IRS4: variants seen among roughly 807,000 people sequenced by gnomAD.
IRS4 encodes insulin receptor substrate 4.
IRS4 carries 15 observed loss-of-function variants against 48.6 expected under a neutral mutation model. The observed-to-expected ratio is 0.31, with a 90% CI of 0.21 to 0.48. IRS4 has a LOEUF of 0.48. Ranked by LOEUF, IRS4 falls within the 20% of genes least tolerant of loss-of-function variation. The probability of loss-of-function intolerance (pLI) is 0.99; values close to 1 mark genes in which losing one functional copy is unlikely to be tolerated. For missense variants in IRS4, 987 were observed against 1,023.4 expected, an observed-to-expected ratio of 0.96 and a Z score of 0.49; for synonymous variants, 459 against 413.2, an observed-to-expected ratio of 1.11 and a Z score of -1.34.
At chrX:108,727,483 G>A (rs1889774374) in intron 1 of IRS4, among the ~76,000 whole-genome samples, 1 of 111,528 alleles carries the variant, frequency 9.0e-6, no homozygotes, top group African/African-American at 3.3e-5. Context: ...TTTAAAATCA[G>A]CAATCCAATG....
chrX:108,724,787 A>G (rs1319420323), intron 1 of IRS4: 1 of 112,223 alleles, frequency 8.9e-6, no homozygotes, highest in Non-Finnish European at 1.9e-5. Context: ...TATTATTCCC[A>G]TTTGATACTG....
intron 1 of IRS4, among the ~76,000 whole-genome samples, chrX:108,730,199 G>A (rs1238731254): frequency 9.0e-6 from 1 of 111,033 alleles, no homozygotes; most frequent in East Asian, 2.8e-4. Context: ...GAATCATTCA[G>A]CTTGTTCTTA....
Position 108,721,605 on chromosome X carries a change from T to C in IRS4, c.*914A>G, listed in dbSNP as rs1014837161. ...TGCATTGGGGAAAATGGAGAAAGAA[T>C]AAGAAAAAGTAGAATAGAGGTTGAA... On this transcript the variant is annotated 3_prime_UTR_variant, in exon 2 of 2. Transcript: ENST00000372129. 4.5e-5 allele frequency: 5 copies of C among 110,521 alleles called. No individual in the cohort carries two copies. Among genetic ancestry groups the C allele is most frequent in the Non-Finnish European group, 7.6e-5 (4 of 52,832 alleles). The allele number at this position is 110,521 out of a possible 1,213,427, so 9.1% of individuals were successfully genotyped here.
At chrX:108,732,514 G>A (rs1263322260) in intron 1 of IRS4, 65 bp downstream of exon 1, 2 of 1,206,514 alleles carry the variant, frequency 1.7e-6, no homozygotes, top group Non-Finnish European at 2.2e-6. Context: ...ACTGTAGACT[G>A]TAGCGCATCG....
Position 108,736,253 on chromosome X carries a change from G to C in IRS4, c.92C>G (p.Thr31Ser). The change falls in exon 1 of 2, where the codon ACC becomes AGC. Residue 31 changes from threonine (T) to serine (S), a missense_variant. Coordinates refer to ENST00000372129, the MANE Select transcript of IRS4 (RefSeq NM_001379150.1). ...GGTTCCCGAGGAAAGAAGCGGGGTG[G>C]TCACCACTGCTGCTAGAGCTGCCGC... Reference protein sequence around the residue: ...AAAAALAAVVTTPLLSSGTPT... With the variant: ...AAAAALAAVVSTPLLSSGTPT... The C allele has an allele frequency of 8.3e-7, 1 of 1,210,699 alleles. No homozygotes were observed. The highest frequency in any genetic ancestry group is 1.7e-5 in the African/African-American group (1 of 57,764).
chrX:108,734,637 A>C lies in IRS4; in HGVS notation c.1708T>G (p.Ser570Ala), dbSNP rs776420382. ...TCTCCAGGTCCCTGGCCACCACCTG[A>C]GCCATGCCCACCTCCAGGTCTCTGG... ...GGQRPGGGHG[S>A]GGGQGPGDGH... is the part of the protein sequence containing the mutation. Residue 570 changes from serine (S) to alanine (A), a missense_variant, in exon 1 of 2, where the codon TCA becomes GCA. By Grantham distance (99) the Ser-to-Ala change is moderately conservative. Coordinates refer to ENST00000372129, the MANE Select transcript of IRS4 (RefSeq NM_001379150.1). The C allele has an allele frequency of 2.5e-6, 3 of 1,209,144 alleles. No individual in the cohort carries two copies. In the East Asian group the frequency reaches 8.9e-5, roughly 36 times the overall value.
Position 108,735,944 on chromosome X carries a change from G to C in IRS4, c.401C>G (p.Ser134Cys). The C allele has an allele frequency of 8.3e-7, 1 of 1,203,866 alleles. No homozygotes were observed. The highest frequency in any genetic ancestry group is 1.1e-6 in the Non-Finnish European group (1 of 891,820). ...AATGAGCGGGGGGATCGCGGCGCCAGAGGCGGCCGCCGCTGCTGCAGCCGC... is the reference window on the plus strand; with the variant it reads ...AATGAGCGGGGGGATCGCGGCGCCACAGGCGGCCGCCGCTGCTGCAGCCGC... ...AAAAAAAAAA[S>C]GAAIPPLIPP... Residue 134 changes from serine (S) to cysteine (C), a missense_variant, in exon 1 of 2, where the codon TCT (serine) becomes TGT (cysteine). By Grantham distance (112) the Ser-to-Cys change is moderately radical (BLOSUM62 -1). Coordinates refer to ENST00000372129, the MANE Select transcript of IRS4 (RefSeq NM_001379150.1).
intron 1 of IRS4, among the ~76,000 whole-genome samples, chrX:108,727,639 A>G (rs17326946): frequency 0.19 from 21,713 of 111,785 alleles, 2,074 homozygotes; most frequent in East Asian, 0.57. Flanking sequence ...AGCACCTCTT[A>G]GAGAAAATAT....
chrX:108,732,526 A>G (rs754101423), intron 1 of IRS4, 53 bp downstream of exon 1: 2 of 1,210,116 alleles, frequency 1.7e-6, no homozygotes, highest in Non-Finnish European at 2.2e-6. Context: ...AGCGCATCGA[A>G]TCATTAGACA....
chrX:108,724,557 G>C (rs1476437239), intron 1 of IRS4: 1 of 111,540 alleles, frequency 9.0e-6, no homozygotes, highest in African/African-American at 3.3e-5. Context: ...TTACATTCCC[G>C]GGGCACATTC....
chrX:108,724,813 TTACC>T (rs1276074798), intron 1 of IRS4: 1 of 112,045 alleles, frequency 8.9e-6, no homozygotes, highest in African/African-American at 3.2e-5. Context: ...TTATAAATAC[TTACC>T]TTATTGTATA....
At position 108,734,446 on chromosome X, in the gene IRS4, AGGTGGT is replaced by A; in HGVS notation, c.1893_1898del (p.Pro638_Pro639del). On this transcript the variant is annotated inframe_deletion, in exon 1 of 2. Coordinates refer to ENST00000372129, the MANE Select transcript of IRS4 (RefSeq NM_001379150.1). ...CTCCAGCTGGTGGGGGTGGAGGAGG[AGGTGGT>A]GGAGGTGGTGGCATTTGCTGTTGCT... 8.3e-7 allele frequency: 1 copy of A among 1,210,922 alleles called. No individual in the cohort carries two copies. Among genetic ancestry groups the A allele is most frequent in the Non-Finnish European group, 1.1e-6 (1 of 895,284 alleles).
At chrX:108,724,762 G>A (rs2068867403) in intron 1 of IRS4, 1 of 111,843 alleles carries the variant, frequency 8.9e-6, no homozygotes, top group African/African-American at 3.2e-5. Flanking sequence ...GTAATAATGT[G>A]GTCTGTTTTG....
chrX:108,728,764 C>A (rs1204162796), intron 1 of IRS4, among the ~76,000 whole-genome samples: 1 of 111,879 alleles, frequency 8.9e-6, no homozygotes, highest in Non-Finnish European at 1.9e-5. Flanking sequence ...ATTTTTTTGT[C>A]ACTCTGAGAA....
Position 108,736,452 on chromosome X carries a change from T to A in IRS4, c.-108A>T, listed in dbSNP as rs1255271347. On this transcript the variant is annotated 5_prime_UTR_variant, in exon 1 of 2. Transcript: ENST00000372129. The stretch of plus-strand genomic sequence containing the variant: ...TCGTCTGCCCGCCCCAGCCCCCTCC[T>A]GCCTTGGCCCGCGCCCCCGCCCACT... The A allele has an allele frequency of 1.8e-6, 2 of 1,125,517 alleles. No individual in the cohort carries two copies. The highest frequency in any genetic ancestry group is 2.4e-6 in the Non-Finnish European group (2 of 842,096). 92.8% of individuals were successfully genotyped at this position (1,125,517 alleles called of 1,213,427 possible). A position where few individuals can be genotyped will look rare whatever the true frequency, so the allele number is the denominator to read the frequency against.
rs1275553787 is a variant in IRS4, at chrX:108,735,485, T to C, written c.860A>G (p.His287Arg). 8.3e-7 allele frequency: 1 copy of C among 1,210,235 alleles called. No individual in the cohort carries two copies. Among genetic ancestry groups the C allele is most frequent in the Non-Finnish European group, 1.1e-6 (1 of 895,109 alleles). ...VQLLSIRRCG[H>R]SEQYFFLEVG... The stretch of plus-strand genomic sequence containing the variant: ...TTCCAAGAAGAAATACTGCTCCGAG[T>C]GTCCACAGCGACGGATGCTCAGGAG... Residue 287 changes from histidine to arginine, a missense_variant, in exon 1 of 2, where the codon CAC (histidine) becomes CGC (arginine). Physicochemically the swap from His to Arg is conservative, Grantham distance 29 (BLOSUM62 0). Transcript: ENST00000372129.
In IRS4 at chrX:108,734,897, C is replaced by A. The variant is rs1236267987; in HGVS notation, c.1448G>T (p.Ser483Ile). ...NPQGKEDQEG[S>I]GGDYMPMNNW... ...GTTCATAGGCATGTAGTCACCTCCG[C>A]TTCCTTCCTGATCTTCTTTGCCCTG... The change falls in exon 1 of 2, where the codon AGC (serine) becomes ATC (isoleucine). Residue 483 changes from serine (S) to isoleucine (I), a missense_variant. Ser to Ile is a moderately radical substitution (Grantham distance 142). This residue lies in a region of IRS4 where 720 missense variants were observed against 660.3 expected (regional missense o/e 1.09). Coordinates refer to ENST00000372129, the MANE Select transcript of IRS4 (RefSeq NM_001379150.1). The A allele has an allele frequency of 4.1e-6, 5 of 1,212,185 alleles. No homozygotes were observed. The highest frequency in any genetic ancestry group is 5.6e-6 in the Non-Finnish European group (5 of 895,640).
chrX:108,732,180 T>C (rs1193616374), intron 1 of IRS4, among the ~76,000 whole-genome samples: 1 of 112,569 alleles, frequency 8.9e-6, no homozygotes, highest in Non-Finnish European at 1.9e-5. Flanking sequence ...TACACTTAAA[T>C]ATGGGCATTT....
At position 108,736,308 on chromosome X, in the gene IRS4, T is replaced by C. The variant is rs1171726850; in HGVS notation, c.37A>G (p.Arg13Gly). 12 of 1,209,621 alleles carry C rather than the reference T, an allele frequency of 9.9e-6. No individual in the cohort carries two copies. The East Asian group carries it at 1.2e-4, about 12-fold the overall frequency. ...GCCGCTGCTGCACCTCTTAGTCTTC[T>C]TGTCGCTTGGTCGCGAGTGAAGGAG... ...SCSFTRDQAT[R>G]RLRGAAAAAA... Residue 13 changes from arginine (R) to glycine (G), a missense_variant, in exon 1 of 2, where the codon AGA becomes GGA. Around this residue, in one of 4 missense-constraint regions of IRS4, gnomAD observed 173 missense variants for 208.9 expected, o/e 0.83. Coordinates refer to ENST00000372129, the MANE Select transcript of IRS4 (RefSeq NM_001379150.1).
Sources: allele counts gnomAD v4.1 joint callset (sites outside exome capture counted in the v4.1 genomes callset), GRCh38; gene constraint gnomAD v4.1.1; regional missense constraint gnomAD v4.1.1; transcripts MANE v1.5; gene names NCBI Gene and HGNC (gene_info 2026-07-23, HGNC 2026-07-21).